The following CNTN4 variants were observed in gnomAD, a reference collection of about 807,000 sequenced individuals.
CNTN4 encodes contactin 4, also known as contactin-4.
In CNTN4, 77 loss-of-function variants were observed where a neutral mutation model predicts 122.5. That is an observed-to-expected ratio of 0.63 (90% CI 0.52 to 0.76). CNTN4 has a LOEUF of 0.76. CNTN4 is among the 30% of genes least tolerant of loss of function. The pLI is 0.00. For missense variants in CNTN4, 1,256 were observed against 1,259.1 expected (o/e 1.00, Z 0.04); for synonymous variants, 512 against 447.0 (o/e 1.15, Z -1.83).
chr3:2,294,288 C>CTTTTTTTTTTTTTTTTTTTTTTTT (rs71058604), intron 2 of CNTN4, among the ~76,000 whole-genome samples: 24 of 135,608 alleles, frequency 1.8e-4, no homozygotes, highest in African/African-American at 6.0e-4. Context: ...AGAGTTGTGA[C>CTTTTTTTTTTTTTTTTTTTTTTTT]TTTTTTTTTT....
chr3:2,485,299 G>T (rs185836345), intron 3 of CNTN4, among the ~76,000 whole-genome samples: 106 of 152,346 alleles, frequency 7.0e-4, no homozygotes, highest in African/African-American at 2.5e-3. Context: ...GGGCGGGCAC[G>T]CGGTGGCACG....
chr3:2,557,555 A>G (rs542352186), intron 3 of CNTN4, among the ~76,000 whole-genome samples: 117 of 152,040 alleles, frequency 7.7e-4, no homozygotes, highest in African/African-American at 1.8e-3. Context: ...GTGAAACCCC[A>G]TCTCTACTAA....
chr3:2,390,623 CA>C (rs1296888706), intron 3 of CNTN4, among the ~76,000 whole-genome samples: 1 of 152,084 alleles, frequency 6.6e-6, no homozygotes, highest in African/African-American at 2.4e-5. Flanking sequence ...TTTAGAATAA[CA>C]TACAGGTTAA....
chr3:2,737,070 C>T (rs1001686898), intron 5 of CNTN4, among the ~76,000 whole-genome samples: 1 of 152,020 alleles, frequency 6.6e-6, no homozygotes, highest in African/African-American at 2.4e-5. Context: ...AAGCATGAGC[C>T]ACTGTGCCCA....
intron 12 of CNTN4, among the ~76,000 whole-genome samples, chr3:2,912,607 GGT>G (rs1278225073): frequency 6.6e-6 from 1 of 152,120 alleles, no homozygotes; most frequent in African/African-American, 2.4e-5. Context: ...AAGTATAAAA[GGT>G]AACTATAAAT....
chr3:2,642,093 G>T (rs1278127985), intron 4 of CNTN4, among the ~76,000 whole-genome samples: 1 of 152,218 alleles, frequency 6.6e-6, no homozygotes, highest in Non-Finnish European at 1.5e-5. Context: ...GCAATAGGCT[G>T]TCTGCAAGCT....
At chr3:2,379,972 G>A (rs79739371) in intron 3 of CNTN4, among the ~76,000 whole-genome samples, 10,829 of 149,940 alleles carry the variant, frequency 0.072, 920 homozygotes, top group East Asian at 0.5. Flanking sequence ...CCGGAGAATC[G>A]CTTGAACCCA....
At chr3:2,497,766 T>C (rs2076491037) in intron 3 of CNTN4, among the ~76,000 whole-genome samples, 1 of 152,238 alleles carries the variant, frequency 6.6e-6, no homozygotes, top group Non-Finnish European at 1.5e-5. Context: ...ATAGAGCACT[T>C]AACAGAATCT....
chr3:2,642,926 T>G (rs975863833), intron 4 of CNTN4, among the ~76,000 whole-genome samples: 7 of 152,182 alleles, frequency 4.6e-5, no homozygotes, highest in Non-Finnish European at 8.8e-5. Flanking sequence ...ATGCAAGTGA[T>G]CTAACCATTC....
intron 6 of CNTN4, among the ~76,000 whole-genome samples, chr3:2,762,887 A>G (rs2149703268): frequency 6.9e-6 from 1 of 145,856 alleles, no homozygotes; most frequent in East Asian, 2.1e-4. Flanking sequence ...GTGAGGTGGT[A>G]TCTCATTGTG....
chr3:2,683,215 C>T (rs1342545213), intron 4 of CNTN4, among the ~76,000 whole-genome samples: 1 of 151,832 alleles, frequency 6.6e-6, no homozygotes, highest in Non-Finnish European at 1.5e-5. Context: ...GGGAAAATGA[C>T]AAGAAGAGAT....
chr3:2,863,014 A>C (rs945841460), intron 7 of CNTN4, among the ~76,000 whole-genome samples: 16 of 152,208 alleles, frequency 1.1e-4, no homozygotes, highest in African/African-American at 3.6e-4. Context: ...TTGGTGCTCC[A>C]GCCTAACCCT....
intron 3 of CNTN4, among the ~76,000 whole-genome samples, chr3:2,414,136 G>A (rs1043622471): frequency 6.6e-6 from 1 of 152,112 alleles, no homozygotes; most frequent in African/African-American, 2.4e-5. Flanking sequence ...CTGACTTGAG[G>A]GATTTCAGGG....
At chr3:2,329,531 C>T (rs140462226) in intron 2 of CNTN4, among the ~76,000 whole-genome samples, 1 of 134,786 alleles carries the variant, frequency 7.4e-6, no homozygotes, top group East Asian at 2.0e-4. Flanking sequence ...GTAATTAACC[C>T]TTCTGTCTTT....
intron 6 of CNTN4, among the ~76,000 whole-genome samples, chr3:2,800,675 T>C (rs1489523801): frequency 6.6e-6 from 1 of 152,220 alleles, no homozygotes; most frequent in African/African-American, 2.4e-5. Flanking sequence ...GTGGCTTCCA[T>C]ATTGACTCAG....
intron 4 of CNTN4, among the ~76,000 whole-genome samples, chr3:2,587,666 A>G (rs924419971): frequency 6.6e-5 from 10 of 152,196 alleles, no homozygotes; most frequent in Admixed American, 1.3e-4. Context: ...GATTCAGTTG[A>G]ATTTAAGAAG....
intron 4 of CNTN4, among the ~76,000 whole-genome samples, chr3:2,713,146 G>T (rs894059048): frequency 9.2e-5 from 14 of 152,166 alleles, no homozygotes; most frequent in Non-Finnish European, 1.6e-4. Flanking sequence ...CTGAAGTGGG[G>T]GAGCAGTTTT....
At chr3:2,963,587 C>T (rs2094883233) in intron 13 of CNTN4, among the ~76,000 whole-genome samples, 1 of 152,248 alleles carries the variant, frequency 6.6e-6, no homozygotes, top group South Asian at 2.1e-4. Context: ...CTGACCACTA[C>T]TTATCATCGA....
intron 2 of CNTN4, among the ~76,000 whole-genome samples, chr3:2,200,053 G>A (rs1324689072): frequency 6.6e-6 from 1 of 152,118 alleles, no homozygotes; most frequent in Non-Finnish European, 1.5e-5. Context: ...AGCTGCACAA[G>A]GTTATGATTT....
Sources: gnomAD v4.1 joint callset for allele counts (sites outside exome capture counted in the v4.1 genomes callset) on GRCh38, gnomAD v4.1.1 for gene constraint, MANE v1.5 for transcripts, NCBI Gene and HGNC (gene_info 2026-07-23, HGNC 2026-07-21) for gene names.